The following PCCA variants were observed in gnomAD, a reference collection of about 807,000 sequenced individuals.
The protein encoded by PCCA is propionyl-CoA carboxylase subunit alpha, also known as propionyl-CoA carboxylase alpha chain, mitochondrial.
In PCCA, 74 loss-of-function variants were observed where a neutral mutation model predicts 101.3. That is an observed-to-expected ratio of 0.73 (90% confidence interval 0.61 to 0.89). PCCA has a LOEUF of 0.89. Ranked by LOEUF, PCCA falls within the 40% of genes least tolerant of loss-of-function variation. PCCA has a pLI of 0.00. For synonymous variants in PCCA, 294 were observed against 313.6 expected, an observed-to-expected ratio of 0.94 and a Z score of 0.66; for missense variants, 891 against 907.0, an observed-to-expected ratio of 0.98 and a Z score of 0.23.
At chr13:100,375,306 A>G (rs1391188195) in intron 19 of PCCA, among the ~76,000 whole-genome samples, 1 of 152,154 alleles carries the variant, frequency 6.6e-6, no homozygotes, top group African/African-American at 2.4e-5. Context: ...CAATTTTTGA[A>G]TAAGTTCCAT....
At chr13:100,100,511 C>T (rs1207452205) in intron 1 of PCCA, among the ~76,000 whole-genome samples, 1 of 152,220 alleles carries the variant, frequency 6.6e-6, no homozygotes, top group East Asian at 1.9e-4. Flanking sequence ...ACAAAAACAA[C>T]AAACGTTAAA....
intron 12 of PCCA, chr13:100,293,295 C>G (rs2065277882): frequency 2.1e-6 from 1 of 468,860 alleles, no homozygotes; most frequent in South Asian, 1.6e-5. Flanking sequence ...GCTATACACT[C>G]TAATCTCATC....
chr13:100,303,487 G>C (rs1310728501), intron 14 of PCCA, among the ~76,000 whole-genome samples: 1 of 152,010 alleles, frequency 6.6e-6, no homozygotes, highest in East Asian at 1.9e-4. Context: ...ATTTATATCA[G>C]TTAAATAAAA....
At chr13:100,356,374 TTTGTC>T (rs2073954766) in intron 18 of PCCA, among the ~76,000 whole-genome samples, 2 of 152,108 alleles carry the variant, frequency 1.3e-5, no homozygotes, top group Admixed American at 6.5e-5. Context: ...TTAATAGTCT[TTTGTC>T]TAGTATAGGG....
chr13:100,246,108 G>T (rs1456461512), intron 8 of PCCA, among the ~76,000 whole-genome samples: 1 of 152,190 alleles, frequency 6.6e-6, no homozygotes, highest in Non-Finnish European at 1.5e-5. Flanking sequence ...CTAGGAAGGG[G>T]CATGACCTTA....
intron 6 of PCCA, among the ~76,000 whole-genome samples, chr13:100,188,311 A>AAACAC (rs2057462811): frequency 6.8e-6 from 1 of 146,918 alleles, no homozygotes; most frequent in African/African-American, 2.5e-5. Context: ...AAACAAAACA[A>AAACAC]AACAAAACAA....
At chr13:100,317,407 C>G (rs1483396157) in intron 16 of PCCA, among the ~76,000 whole-genome samples, 2 of 152,310 alleles carry the variant, frequency 1.3e-5, no homozygotes, top group Admixed American at 6.5e-5. Flanking sequence ...TGTATACCAT[C>G]GAATCTGCCT....
chr13:100,315,449 C>T (rs2067264071), intron 16 of PCCA, among the ~76,000 whole-genome samples: 1 of 152,134 alleles, frequency 6.6e-6, no homozygotes, highest in African/African-American at 2.4e-5. Context: ...TAAAAACTTG[C>T]TTTATGAAAG....
At chr13:100,165,977 A>C (rs2054999282) in intron 6 of PCCA, among the ~76,000 whole-genome samples, 1 of 152,232 alleles carries the variant, frequency 6.6e-6, no homozygotes, top group South Asian at 2.1e-4. Flanking sequence ...TTGAAATATA[A>C]TTGCTATTCA....
chr13:100,144,374 T>C (rs575121760), intron 4 of PCCA, among the ~76,000 whole-genome samples: 58 of 152,254 alleles, frequency 3.8e-4, no homozygotes, highest in African/African-American at 1.3e-3. Flanking sequence ...TTAGAGTTTC[T>C]AGGAATGCCA....
At position 100,530,164 on chromosome 13, in the gene PCCA, TGAAG is replaced by T; in HGVS notation, c.*1_*4del. 1 of 1,612,450 alleles carries T rather than the reference TGAAG, an allele frequency of 6.2e-7. No individual in the cohort carries two copies. On this transcript the variant is annotated stop_retained_variant and 3_prime_UTR_variant, in exon 24 of 24. Coordinates refer to ENST00000376285, the MANE Select transcript of PCCA (RefSeq NM_000282.4). ...AGGGGATCTGCTCGTGGAGCTGGAA[TGAAG>T]GATTTATAACCTTTCAGTCATCACC... is the stretch of plus-strand genomic sequence containing the variant.
At chr13:100,301,352 A>T (rs1454073266) in intron 12 of PCCA, 108 bp from the exon 13 acceptor site, 1 of 1,147,360 alleles carries the variant, frequency 8.7e-7, no homozygotes, top group Non-Finnish European at 1.3e-6. Context: ...TTCAAATGTT[A>T]CATTCGATTA....
chr13:100,181,768 TTC>T (rs1219263095), intron 6 of PCCA, among the ~76,000 whole-genome samples: 1 of 114,752 alleles, frequency 8.7e-6, no homozygotes, highest in African/African-American at 4.2e-5. Context: ...TTTTCTTTTT[TTC>T]TTTTTTTTTT....
At chr13:100,481,194 A>G (rs984634241) in intron 21 of PCCA, 1 of 152,082 alleles carries the variant, frequency 6.6e-6, no homozygotes, top group South Asian at 2.1e-4. Flanking sequence ...GAAGGACTTC[A>G]TGGCTGGTTT....
chr13:100,454,158 G>C (rs1277564005), intron 21 of PCCA, among the ~76,000 whole-genome samples: 1 of 151,998 alleles, frequency 6.6e-6, no homozygotes, highest in East Asian at 1.9e-4. Flanking sequence ...ACAGGCGTGA[G>C]CCACCGCACC....
At chr13:100,377,239 G>A (rs1000628018) in intron 19 of PCCA, among the ~76,000 whole-genome samples, 6 of 152,068 alleles carry the variant, frequency 3.9e-5, no homozygotes, top group African/African-American at 1.4e-4. Flanking sequence ...GCTACAGACC[G>A]GAGCTGTTCC....
chr13:100,418,260 C>G (rs2078511287), intron 19 of PCCA, among the ~76,000 whole-genome samples: 2 of 152,206 alleles, frequency 1.3e-5, no homozygotes, highest in African/African-American at 4.8e-5. Flanking sequence ...CTTACCATGG[C>G]TGGTGAACGT....
chr13:100,423,607 T>C (rs2078963326), intron 19 of PCCA, among the ~76,000 whole-genome samples: 1 of 152,094 alleles, frequency 6.6e-6, no homozygotes, highest in Admixed American at 6.5e-5. Flanking sequence ...CATGACTCAT[T>C]GTGTAGATGA....
intron 19 of PCCA, among the ~76,000 whole-genome samples, chr13:100,414,924 C>G (rs1298826625): frequency 6.6e-6 from 1 of 152,166 alleles, no homozygotes; most frequent in East Asian, 1.9e-4. Context: ...ACTATATCTT[C>G]ATATTTAGAT....
Sources: allele counts gnomAD v4.1 joint callset (sites outside exome capture counted in the v4.1 genomes callset), GRCh38; gene constraint gnomAD v4.1.1; transcripts MANE v1.5; gene names NCBI Gene and HGNC (gene_info 2026-07-23, HGNC 2026-07-21).